Variants in NTRK2 observed in about 807,000 individuals in gnomAD.
NTRK2 encodes the protein BDNF/NT-3 growth factors receptor.
Under a neutral mutation model 94.5 loss-of-function variants are expected in NTRK2, and 13 were observed. The ratio of observed to expected loss-of-function variants is 0.14; its 90% confidence interval spans 0.09 to 0.22. NTRK2 has a LOEUF of 0.22. Ranked by LOEUF, NTRK2 falls within the 10% of genes least tolerant of loss-of-function variation. NTRK2 has a pLI of 1.00. For synonymous variants in NTRK2, 372 were observed against 407.4 expected (o/e 0.91, Z 1.05); for missense variants, 639 against 1,071.2 (o/e 0.60, Z 5.63).
chr9:84,719,579 G>A (rs1197078039), intron 6 of NTRK2, among the ~76,000 whole-genome samples: 4 of 152,106 alleles, frequency 2.6e-5, no homozygotes, highest in Admixed American at 6.5e-5. Context: ...CCATGGGTTT[G>A]TACTTGAAAT....
intron 12 of NTRK2, among the ~76,000 whole-genome samples, chr9:84,860,813 T>G (rs1266454841): frequency 2.0e-5 from 3 of 152,152 alleles, no homozygotes; most frequent in African/African-American, 7.2e-5. Flanking sequence ...GTTCTCTGAA[T>G]AGGAAATAAA....
intron 9 of NTRK2, 82 bp downstream of exon 9, chr9:84,728,041 C>G (rs768579904): frequency 6.4e-5 from 83 of 1,302,082 alleles, no homozygotes; most frequent in Admixed American, 1.8e-4. Context: ...TACAATAAGC[C>G]ATCCCCCAAC....
chr9:84,675,265 TG>T (rs1384872472), intron 2 of NTRK2, among the ~76,000 whole-genome samples: 3 of 151,866 alleles, frequency 2.0e-5, no homozygotes, highest in Non-Finnish European at 4.4e-5. Context: ...CTAGTGTTTT[TG>T]TTTAGCTGGG....
chr9:84,768,356 A>G (rs1392957186), intron 12 of NTRK2, among the ~76,000 whole-genome samples: 1 of 152,112 alleles, frequency 6.6e-6, no homozygotes, highest in Non-Finnish European at 1.5e-5. Context: ...AACTGTAGTA[A>G]TTGTTGAGAA....
intron 6 of NTRK2, among the ~76,000 whole-genome samples, chr9:84,722,195 G>C (rs2062116367): frequency 9.8e-6 from 1 of 101,816 alleles, no homozygotes. Flanking sequence ...GAAACCCCAT[G>C]AAAGATGTAA....
At chr9:84,961,183 T>C (rs1047062421) in intron 17 of NTRK2, among the ~76,000 whole-genome samples, 2 of 152,200 alleles carry the variant, frequency 1.3e-5, no homozygotes, top group African/African-American at 4.8e-5. Context: ...CAATATTCAA[T>C]TTACAGGGCA....
intron 12 of NTRK2, among the ~76,000 whole-genome samples, chr9:84,829,130 C>G (rs968793437): frequency 1.2e-4 from 19 of 152,092 alleles, no homozygotes; most frequent in African/African-American, 4.6e-4. Flanking sequence ...TCTCCAGTAG[C>G]TGGGATTACA....
chr9:84,755,893 C>T (rs530653930), intron 12 of NTRK2, among the ~76,000 whole-genome samples: 6 of 152,174 alleles, frequency 3.9e-5, no homozygotes. Context: ...GGCCCTGTTT[C>T]CATAAAGATG....
chr9:84,706,086 G>A (rs916670793), intron 4 of NTRK2, among the ~76,000 whole-genome samples: 4 of 152,028 alleles, frequency 2.6e-5, no homozygotes, highest in Admixed American at 1.3e-4. Flanking sequence ...CACTGCACCC[G>A]GCCAAAACCC....
chr9:84,772,768 A>G (rs1209403056), intron 12 of NTRK2, among the ~76,000 whole-genome samples: 1 of 152,170 alleles, frequency 6.6e-6, no homozygotes, highest in Non-Finnish European at 1.5e-5. Flanking sequence ...AGATCTCTGC[A>G]CAGACGAGAT....
chr9:84,997,268 C>T (rs1223429140), intron 17 of NTRK2, among the ~76,000 whole-genome samples: 1 of 152,140 alleles, frequency 6.6e-6, no homozygotes, highest in Non-Finnish European at 1.5e-5. Flanking sequence ...CAAAGCTGGT[C>T]TCTGAGACTG....
chr9:84,994,436 G>T (rs967103698), intron 17 of NTRK2, among the ~76,000 whole-genome samples: 1 of 152,198 alleles, frequency 6.6e-6, no homozygotes, highest in Non-Finnish European at 1.5e-5. Flanking sequence ...GAAAGTGCAA[G>T]CTACACGGAG....
chr9:84,751,125 C>T (rs1443562898), intron 11 of NTRK2, among the ~76,000 whole-genome samples: 5 of 152,222 alleles, frequency 3.3e-5, no homozygotes, highest in Non-Finnish European at 5.9e-5. Context: ...GAAGTGCCCT[C>T]CTGCTCCCTT....
intron 12 of NTRK2, among the ~76,000 whole-genome samples, chr9:84,806,024 T>C (rs1257483058): frequency 6.6e-6 from 1 of 152,246 alleles, no homozygotes; most frequent in African/African-American, 2.4e-5. Flanking sequence ...TATTCTGTTA[T>C]AAGCAACAGA....
At chr9:84,918,431 C>A (rs2077462243) in intron 14 of NTRK2, among the ~76,000 whole-genome samples, 1 of 152,204 alleles carries the variant, frequency 6.6e-6, no homozygotes, top group African/African-American at 2.4e-5. Flanking sequence ...CATGACCACA[C>A]CTTCTGACAT....
Position 84,745,213 on chromosome 9 carries a change from T to C in NTRK2, c.1296+140T>C, listed in dbSNP as rs1302455711. On this transcript the variant is annotated intron_variant, in intron 11 of 18. Transcript: ENST00000277120. ...TTAACACCTAGGTTGGAAGAATTAA[T>C]AAAAGGCTTAACAAAAGTGATAAAG... 7 of 724,640 alleles carry C rather than the reference T, an allele frequency of 9.7e-6. No homozygotes were observed. The Admixed American group carries it at 1.2e-4, about 13-fold the overall frequency. 44.9% of individuals were successfully genotyped at this position (724,640 alleles called of 1,614,324 possible).
rs1453311092 is a variant in NTRK2, at chr9:85,027,034, A to G, written c.*5597A>G. ...GTATTTAATAAAAATGATGTCTTAC[A>G]ATAAATAACATACTCCAAAAGAGAG... On this transcript the variant is annotated 3_prime_UTR_variant, in exon 19 of 19. Transcript: ENST00000277120. 8.7e-6 allele frequency: 2 copies of G among 231,168 alleles called. No individual in the cohort carries two copies. The highest frequency in any genetic ancestry group is 2.2e-5 in the African/African-American group (1 of 45,278). 14.3% of individuals were successfully genotyped at this position (231,168 alleles called of 1,614,324 possible).
intron 15 of NTRK2, among the ~76,000 whole-genome samples, chr9:84,947,753 C>T (rs983166997): frequency 2.0e-5 from 3 of 152,218 alleles, no homozygotes; most frequent in Admixed American, 2.0e-4. Flanking sequence ...AGCTCTGGCT[C>T]AGTGATGGGC....
intron 17 of NTRK2, among the ~76,000 whole-genome samples, chr9:84,994,682 G>A (rs1393236569): frequency 1.3e-5 from 2 of 152,196 alleles, no homozygotes; most frequent in South Asian, 2.1e-4. Flanking sequence ...GACAGAATCC[G>A]TGTGTGGCTT....
Sources: allele counts gnomAD v4.1 joint callset (sites outside exome capture counted in the v4.1 genomes callset), GRCh38; gene constraint gnomAD v4.1.1; transcripts MANE v1.5; gene names NCBI Gene and HGNC (gene_info 2026-07-23, HGNC 2026-07-21).